Variants in UBR4 observed in about 807,000 individuals in gnomAD.
The protein encoded by UBR4 is E3 ubiquitin-protein ligase UBR4.
UBR4 carries 124 observed loss-of-function variants against 575.6 expected under a neutral mutation model. The observed-to-expected ratio is 0.22, with a 90% CI of 0.19 to 0.25. The LOEUF (loss-of-function observed/expected upper bound fraction) is 0.25. UBR4 is among the 10% of genes least tolerant of loss of function. The pLI, the probability that UBR4 is intolerant of heterozygous loss-of-function variation, is 1.00. For synonymous variants in UBR4, 2,455 were observed against 2,473.7 expected (o/e 0.99, Z 0.22); for missense variants, 4,818 against 6,478.8 (o/e 0.74, Z 8.80).
In UBR4 at chr1:19,093,570, A is replaced by G; in HGVS notation, c.13938-84T>C. On this transcript the variant is annotated intron_variant, in intron 95 of 105. Coordinates refer to ENST00000375254, the MANE Select transcript of UBR4 (RefSeq NM_020765.3). The surrounding 1 kb of genome is among the most constrained non-coding windows in gnomAD (Gnocchi z 4.8). ...ACCCTCTTGGTTAACAACTGTCAAC[A>G]GCCTATAGAAGATCAAGGCTAAATT... 2 of 1,426,320 alleles carry G rather than the reference A, an allele frequency of 1.4e-6. No homozygotes were observed. Among genetic ancestry groups the G allele is most frequent in the Non-Finnish European group, 1.9e-6 (2 of 1,041,894 alleles). 88.4% of individuals were successfully genotyped at this position (1,426,320 alleles called of 1,614,324 possible).
In UBR4 at chr1:19,074,906, A is replaced by C. The variant is rs768241253; in HGVS notation, c.15488-10T>G. The C allele has an allele frequency of 1.5e-4, 242 of 1,613,766 alleles. 1 individual carries two copies. The highest frequency in any genetic ancestry group is 2.0e-4 in the Non-Finnish European group (233 of 1,179,948). On this transcript the variant is annotated splice_polypyrimidine_tract_variant and intron_variant, in intron 105 of 105. Coordinates refer to ENST00000375254, the MANE Select transcript of UBR4 (RefSeq NM_020765.3). Reference sequence around the variant, plus strand: ...ATTTCTGATAAAAGACCTGCAAAGCACAACGGGCAGAGGTGTGTCAGGAGC... The same window carrying C: ...ATTTCTGATAAAAGACCTGCAAAGCCCAACGGGCAGAGGTGTGTCAGGAGC...
At chr1:19,113,438 A>T in intron 77 of UBR4, 1 of 484,980 alleles carries the variant, frequency 2.1e-6, no homozygotes, top group Non-Finnish European at 3.6e-6. Context: ...GTTAATGGCT[A>T]AAAAAAACCC....
chr1:19,181,800 G>C (rs1419766081), intron 17 of UBR4, among the ~76,000 whole-genome samples: 1 of 152,194 alleles, frequency 6.6e-6, no homozygotes, highest in Non-Finnish European at 1.5e-5. Flanking sequence ...ATGTGGTAAA[G>C]TATCACAACA....
In UBR4 at chr1:19,119,631, A is replaced by G. The variant is rs1445931547; in HGVS notation, c.10381T>C (p.Tyr3461His). ...ACAAACTGGGCAGCCTTACGACCAT[A>G]GGCTGGGAGTTCTGGCCAGATGGAC... ...MWSIWPELPA[Y>H]GRKAAQFVDL... The change falls in exon 70 of 106, where the codon TAT (tyrosine) becomes CAT (histidine). Residue 3461 changes from tyrosine to histidine, a missense_variant. Physicochemically the swap from Tyr to His is moderately conservative, Grantham distance 83. Around this residue, in one of 29 missense-constraint regions of UBR4, gnomAD observed 550 missense variants for 791.5 expected, o/e 0.69. Coordinates refer to ENST00000375254, the MANE Select transcript of UBR4 (RefSeq NM_020765.3). 2 of 1,613,966 alleles carry G rather than the reference A, an allele frequency of 1.2e-6. No individual in the cohort carries two copies. Among genetic ancestry groups the G allele is most frequent in the Non-Finnish European group, 1.7e-6 (2 of 1,179,962 alleles).
chr1:19,091,173 C>T (rs942735360), intron 97 of UBR4, among the ~76,000 whole-genome samples: 3 of 151,548 alleles, frequency 2.0e-5, no homozygotes, highest in Non-Finnish European at 4.4e-5. Context: ...TTGGCCAAAT[C>T]ACAACCGTGT....
Position 19,162,505 on chromosome 1 carries a change from T to C in UBR4, c.4871A>G (p.Asp1624Gly), listed in dbSNP as rs201351086. ...NGQGPSHLSV[D>G]GEERAIEVDS... ...TACTTCAATGGCCCGCTCTTCCCCA[T>C]CCACTGAGAGATGACTTGGGCCTTG... Residue 1624 changes from aspartate to glycine, a missense_variant, in exon 35 of 106, where the codon GAT becomes GGT. Transcript: ENST00000375254. 2 of 1,614,080 alleles carry C rather than the reference T, an allele frequency of 1.2e-6. No individual in the cohort carries two copies. The highest frequency in any genetic ancestry group is 2.2e-5 in the South Asian group (2 of 91,074).
intron 34 of UBR4, among the ~76,000 whole-genome samples, chr1:19,163,475 T>C (rs1490165394): frequency 1.3e-5 from 2 of 152,240 alleles, no homozygotes; most frequent in Non-Finnish European, 2.9e-5. Context: ...AGGGAGACAG[T>C]TTCCCATAAC....
At chr1:19,096,459 T>C in intron 92 of UBR4, 64 bp downstream of exon 92, 1 of 1,572,760 alleles carries the variant, frequency 6.4e-7, no homozygotes, top group Non-Finnish European at 8.6e-7. Flanking sequence ...CCATAGCTTC[T>C]TTCCACAGGG....
intron 65 of UBR4, 77 bp downstream of exon 65, chr1:19,124,463 AG>A: frequency 3.9e-6 from 6 of 1,557,558 alleles, no homozygotes; most frequent in Non-Finnish European, 5.2e-6. Flanking sequence ...AGTAAGGATG[AG>A]GAAGAAAGGG....
At chr1:19,108,822 C>A (rs2079521042) in intron 81 of UBR4, among the ~76,000 whole-genome samples, 1 of 152,186 alleles carries the variant, frequency 6.6e-6, no homozygotes, top group African/African-American at 2.4e-5. Context: ...ATTTTAGGAA[C>A]TGCTGCTCTC....
Position 19,179,100 on chromosome 1 carries a change from T to G in UBR4, c.2305A>C (p.Ser769Arg). The G allele has an allele frequency of 6.2e-7, 1 of 1,613,946 alleles. No individual in the cohort carries two copies. Among genetic ancestry groups the G allele is most frequent in the Non-Finnish European group, 8.5e-7 (1 of 1,179,962 alleles). ...RLLLIWQHKA[S>R]AQGDPDVPEC... is the part of the protein sequence containing the mutation. ...GGGACGTCAGGGTCACCTTGAGCAC[T>G]GGCTTTATGTTGCCAGATGAGCAGG... The change falls in exon 18 of 106, where the codon AGT (serine) becomes CGT (arginine). Residue 769 changes from serine to arginine, a missense_variant. Transcript: ENST00000375254.
chr1:19,108,541 G>A (rs1244864400), intron 81 of UBR4, among the ~76,000 whole-genome samples: 1 of 152,004 alleles, frequency 6.6e-6, no homozygotes, highest in Non-Finnish European at 1.5e-5. Context: ...AAATAGATTA[G>A]TACCCAAGAG....
At position 19,152,322 on chromosome 1, in the gene UBR4, G is replaced by A; in HGVS notation, c.6987C>T (p.Ala2329=). ...CCAGTGCCATTCTTACCTTGGTGTT[G>A]GCCACATACATGCCAGTGGAATTCA... is the stretch of plus-strand genomic sequence containing the variant. ...HRLNSTGMYV[A]NTKPGGFTIE... The change falls in exon 47 of 106, where the codon GCC becomes GCT. Residue 2329 remains alanine, a synonymous_variant. Transcript: ENST00000375254. This position sits in a 1 kb window ranked among gnomAD's most constrained non-coding sequence, Gnocchi z 4.4. 2 of 1,613,892 alleles carry A rather than the reference G, an allele frequency of 1.2e-6. No individual in the cohort carries two copies. The highest frequency in any genetic ancestry group is 8.5e-7 in the Non-Finnish European group (1 of 1,179,836).
At chr1:19,198,749 A>G in intron 4 of UBR4, 50 bp downstream of exon 4, 1 of 1,612,442 alleles carries the variant, frequency 6.2e-7, no homozygotes, top group Middle Eastern at 1.7e-4. Context: ...GCCATGGAAA[A>G]GGTGCCATGG....
chr1:19,105,890 C>A, intron 83 of UBR4, 48 bp from the exon 84 acceptor site: 1 of 1,408,498 alleles, frequency 7.1e-7, no homozygotes, highest in Non-Finnish European at 9.4e-7. Flanking sequence ...GGATGCCCTG[C>A]CTCACCAGGC....
In UBR4 at chr1:19,110,784, C is replaced by A; in HGVS notation, c.11850G>T (p.Lys3950Asn). The A allele has an allele frequency of 6.2e-7, 1 of 1,614,196 alleles. No homozygotes were observed. ...AGTGGCCCTTCAGGGCTGTGGAGAC[C>A]TTGCCAATAATCAGGTCATTCATCT... is the stretch of plus-strand genomic sequence containing the variant. ...TQQMNDLIIG[K>N]VSTALKGHWA... The change falls in exon 79 of 106, where the codon AAG (lysine) becomes AAT (asparagine). Residue 3950 changes from lysine (K) to asparagine (N), a missense_variant. This residue lies in a region of UBR4 where 333 missense variants were observed against 459.2 expected (regional missense o/e 0.73). Transcript: ENST00000375254. The surrounding 1 kb of genome is among the most constrained non-coding windows in gnomAD (Gnocchi z 4.5).
Position 19,112,799 on chromosome 1 carries a change from T to A in UBR4, c.11526A>T (p.Ser3842=). 6.2e-7 allele frequency: 1 copy of A among 1,614,146 alleles called. No individual in the cohort carries two copies. The highest frequency in any genetic ancestry group is 8.5e-7 in the Non-Finnish European group (1 of 1,179,960). ...DLQQREAATK[S]SRTSVQPTFT... is the part of the protein sequence containing the mutation. ...ATGTGGGCTGCACGGAGGTCCGGGATGATTTAGTGGCTGCTTCCCTCTGCT... is the reference window on the plus strand; with the variant it reads ...ATGTGGGCTGCACGGAGGTCCGGGAAGATTTAGTGGCTGCTTCCCTCTGCT... Residue 3842 remains serine (S), a synonymous_variant, in exon 78 of 106, where the codon TCA becomes TCT. Transcript: ENST00000375254.
Position 19,074,838 on chromosome 1 carries a change from G to C in UBR4, c.15546C>G (p.Val5182=), listed in dbSNP as rs776110402. The C allele has an allele frequency of 1.2e-6, 2 of 1,614,108 alleles. No homozygotes were observed. The highest frequency in any genetic ancestry group is 1.7e-6 in the Non-Finnish European group (2 of 1,180,012). The change falls in exon 106 of 106, where the codon GTC becomes GTG. Residue 5182 remains valine, a synonymous_variant. Coordinates refer to ENST00000375254, the MANE Select transcript of UBR4 (RefSeq NM_020765.3). ...CGCAGCTGCTGTGTGGTGGTCAGGG[G>C]ACTGAGTTCAACAGGTCCTTCAGGA... The part of the protein sequence containing the change: ...ESFLKDLLNS[V]P
rs2078631178 is a variant in UBR4 at position 19,101,472 on chromosome 1, T to G, written c.13023+48A>C. 4 of 1,563,010 alleles carry G rather than the reference T, an allele frequency of 2.6e-6. No individual in the cohort carries two copies. The Admixed American group carries it at 6.8e-5, about 27-fold the overall frequency. On this transcript the variant is annotated intron_variant, in intron 88 of 105. Coordinates refer to ENST00000375254, the MANE Select transcript of UBR4 (RefSeq NM_020765.3). The stretch of plus-strand genomic sequence containing the variant: ...ATCACCAAGAGGCTTCATGGCAAAG[T>G]GGGCTGTGCTGACACTCGAGAGCCA...
Sources: allele counts gnomAD v4.1 joint callset (sites outside exome capture counted in the v4.1 genomes callset), GRCh38; gene constraint gnomAD v4.1.1; regional missense constraint gnomAD v4.1.1; non-coding constraint Gnocchi (gnomAD v3.1); transcripts MANE v1.5; gene names NCBI Gene and HGNC (gene_info 2026-07-23, HGNC 2026-07-21).